CDC73: variants seen among roughly 807,000 people sequenced by gnomAD.
CDC73 encodes the protein parafibromin.
Under a neutral mutation model 83.7 loss-of-function variants are expected in CDC73, and 21 were observed. The ratio of observed to expected loss-of-function variants is 0.25; its 90% CI spans 0.18 to 0.36. The LOEUF (loss-of-function observed/expected upper bound fraction) is 0.36. Among genes scored for constraint, CDC73 ranks in the 10% least tolerant of loss-of-function variants. The pLI is 1.00. For missense variants in CDC73, 342 were observed against 653.3 expected (o/e 0.52, Z 5.19); for synonymous variants, 224 against 212.9 (o/e 1.05, Z -0.45).
chr1:193,243,111 A>G (rs1296323950), intron 15 of CDC73, among the ~76,000 whole-genome samples: 1 of 151,872 alleles, frequency 6.6e-6, no homozygotes, highest in Non-Finnish European at 1.5e-5. Context: ...ATGCCTGGCT[A>G]ATTTTTCTAT....
chr1:193,124,056 T>A (rs1288418144), intron 1 of CDC73, among the ~76,000 whole-genome samples: 1 of 152,220 alleles, frequency 6.6e-6, no homozygotes, highest in African/African-American at 2.4e-5. Flanking sequence ...ACTGTATACT[T>A]AAAGGCTGTA....
At chr1:193,230,847 T>C (rs934398782) in intron 13 of CDC73, among the ~76,000 whole-genome samples, 1 of 152,182 alleles carries the variant, frequency 6.6e-6, no homozygotes, top group Non-Finnish European at 1.5e-5. Flanking sequence ...ATAAGATCTA[T>C]CCTTATGTTT....
intron 10 of CDC73, among the ~76,000 whole-genome samples, chr1:193,191,028 A>G (rs1403272812): frequency 6.6e-6 from 1 of 152,178 alleles, no homozygotes; most frequent in East Asian, 1.9e-4. Context: ...TGAGTGTTTC[A>G]TTGGCTATCT....
intron 11 of CDC73, among the ~76,000 whole-genome samples, chr1:193,211,689 A>G (rs1338230640): frequency 6.6e-6 from 1 of 152,198 alleles, no homozygotes; most frequent in African/African-American, 2.4e-5. Context: ...AAGAGCATTC[A>G]CATCCTGGGT....
In CDC73 at chr1:193,150,342, C is replaced by G. The variant is rs749915144; in HGVS notation, c.867C>G (p.Ala289=). The G allele has an allele frequency of 6.2e-7, 1 of 1,613,384 alleles. No individual in the cohort carries two copies. Among genetic ancestry groups the G allele is most frequent in the Admixed American group, 1.7e-5 (1 of 60,006 alleles). The change falls in exon 9 of 17, where the codon GCC becomes GCG. Residue 289 remains alanine, a synonymous_variant. Transcript: ENST00000367435. ...TLRTKQPIPA[A]YNRYDQERFK... The stretch of plus-strand genomic sequence containing the variant: ...GCACCAAACAGCCTATCCCAGCTGC[C>G]TATAACAGATACGATCAGGAAAGAT...
chr1:193,190,121 C>T (rs1359125302), intron 10 of CDC73, among the ~76,000 whole-genome samples: 3 of 152,126 alleles, frequency 2.0e-5, no homozygotes, highest in African/African-American at 7.2e-5. Flanking sequence ...CTAGGACTTA[C>T]CAGAAATACC....
At chr1:193,229,369 T>C (rs1008541498) in intron 13 of CDC73, among the ~76,000 whole-genome samples, 1 of 152,254 alleles carries the variant, frequency 6.6e-6, no homozygotes, top group Non-Finnish European at 1.5e-5. Context: ...ACTTAGTCAC[T>C]AATGCCCCAG....
intron 10 of CDC73, among the ~76,000 whole-genome samples, chr1:193,154,174 T>C (rs1266423314): frequency 1.3e-5 from 2 of 152,230 alleles, no homozygotes; most frequent in South Asian, 2.1e-4. Context: ...CCGCTGATCA[T>C]TCCCTGAGTG....
Position 193,169,505 on chromosome 1 carries a change from AC to A in CDC73, c.972+17062del, listed in dbSNP as rs1330358423. On this transcript the variant is annotated intron_variant, in intron 10 of 16. Transcript: ENST00000367435. The stretch of plus-strand genomic sequence containing the variant: ...GGTCACAGTGAGCCAAGATCACATC[AC>A]TGCACCCCAGCCTGGGCGACATAGC... Among the ~76,000 whole-genome samples, 16 of 152,328 alleles carry A rather than the reference AC, an allele frequency of 1.1e-4. No homozygotes were observed. The East Asian group carries it at 2.3e-3, about 22-fold the overall frequency.
chr1:193,250,042 T>G (rs1678021429), intron 16 of CDC73, among the ~76,000 whole-genome samples, 171 bp downstream of exon 16: 2 of 151,944 alleles, frequency 1.3e-5, no homozygotes, highest in Admixed American at 1.3e-4. Context: ...GTATAATTAC[T>G]TTAGTTGGAG....
intron 10 of CDC73, among the ~76,000 whole-genome samples, chr1:193,157,938 G>T (rs539492979): frequency 6.6e-6 from 1 of 151,826 alleles, no homozygotes; most frequent in African/African-American, 2.4e-5. Flanking sequence ...TATTGTTGAA[G>T]ATTAAAGGAG....
chr1:193,183,486 G>A (rs890392708), intron 10 of CDC73, among the ~76,000 whole-genome samples: 6 of 149,666 alleles, frequency 4.0e-5, no homozygotes, highest in Non-Finnish European at 7.4e-5. Flanking sequence ...GAAAACCAAG[G>A]CTATTCACTG....
At chr1:193,243,053 C>A (rs1426576353) in intron 15 of CDC73, among the ~76,000 whole-genome samples, 1 of 151,252 alleles carries the variant, frequency 6.6e-6, no homozygotes. Context: ...TCAAGCAGTT[C>A]CCCTGCCTCA....
chr1:193,152,884 A>G (rs1244829570), intron 10 of CDC73, among the ~76,000 whole-genome samples: 3 of 151,998 alleles, frequency 2.0e-5, no homozygotes, highest in African/African-American at 4.8e-5. Context: ...GGTTCACGCC[A>G]TTCTCCTGCC....
At chr1:193,134,557 G>T (rs1675755791) in intron 3 of CDC73, among the ~76,000 whole-genome samples, 1 of 152,134 alleles carries the variant, frequency 6.6e-6, no homozygotes, top group Admixed American at 6.5e-5. Flanking sequence ...TGTAGTCCCA[G>T]CTACTCGGGA....
intron 13 of CDC73, among the ~76,000 whole-genome samples, chr1:193,229,381 G>A (rs1275615539): frequency 4.6e-5 from 7 of 152,220 alleles, no homozygotes. Flanking sequence ...ATGCCCCAGG[G>A]TATTTGTGAA....
In CDC73 at chr1:193,252,462, A is replaced by G. The variant is rs1678060042; in HGVS notation, c.*1750A>G. The G allele has an allele frequency of 4.4e-6, 1 of 229,704 alleles. No individual in the cohort carries two copies. The highest frequency in any genetic ancestry group is 5.7e-5 in the Admixed American group (1 of 17,622). The allele number at this position is 229,704 out of a possible 1,614,324, so 14.2% of individuals were successfully genotyped here. A position where few individuals can be genotyped will look rare whatever the true frequency, so the allele number is the denominator to read the frequency against. On this transcript the variant is annotated 3_prime_UTR_variant, in exon 17 of 17. Transcript: ENST00000367435. ...CTACCTTCCCATAAAGATTTTTGGTATTTGTACTTATTTATGAACTTTACT... is the reference window on the plus strand; with the variant it reads ...CTACCTTCCCATAAAGATTTTTGGTGTTTGTACTTATTTATGAACTTTACT...
chr1:193,252,372 A>G lies in CDC73; in HGVS notation c.*1660A>G, dbSNP rs1310867519. ...AACTTTCTCCATGATGAAATAGTCA[A>G]GGACCAGAATCTGTAATATTTTTAT... On this transcript the variant is annotated 3_prime_UTR_variant, in exon 17 of 17. Transcript: ENST00000367435. The G allele has an allele frequency of 1.3e-5, 3 of 229,854 alleles. No individual in the cohort carries two copies. The East Asian group carries it at 1.9e-4, about 14-fold the overall frequency. 14.2% of individuals were successfully genotyped at this position (229,854 alleles called of 1,614,324 possible).
rs1407262013 is a variant in CDC73, at chr1:193,251,766, C to T, written c.*1054C>T. 5 of 231,062 alleles carry T rather than the reference C, an allele frequency of 2.2e-5. No homozygotes were observed. The highest frequency in any genetic ancestry group is 3.4e-5 in the Non-Finnish European group (4 of 116,814). 14.3% of individuals were successfully genotyped at this position (231,062 alleles called of 1,614,324 possible). A position where few individuals can be genotyped will look rare whatever the true frequency, so the allele number is the denominator to read the frequency against. The stretch of plus-strand genomic sequence containing the variant: ...TATTTTAACTTAGTGAAATATTTTA[C>T]TATTTCTCTACTTCAGACAAAATGT... On this transcript the variant is annotated 3_prime_UTR_variant, in exon 17 of 17. Transcript: ENST00000367435.
Sources: gnomAD v4.1 joint callset for allele counts (sites outside exome capture counted in the v4.1 genomes callset) on GRCh38, gnomAD v4.1.1 for gene constraint, MANE v1.5 for transcripts, NCBI Gene and HGNC (gene_info 2026-07-23, HGNC 2026-07-21) for gene names.